The following CIB3 variants were observed in gnomAD, a reference collection of about 807,000 sequenced individuals.
CIB3 encodes the protein calcium and integrin binding family member 3, also known as calcium and integrin-binding family member 3.
Under a neutral mutation model 23.4 loss-of-function variants are expected in CIB3, and 22 were observed. The observed-to-expected ratio is 0.94, with a 90% CI of 0.67 to 1.34. The LOEUF is 1.34. Among genes scored for constraint, CIB3 ranks in the 40% most tolerant of loss-of-function variants. The pLI is 0.00. For missense variants in CIB3, 258 were observed against 247.3 expected, an observed-to-expected ratio of 1.04 and a Z score of -0.29; for synonymous variants, 93 against 95.8, an observed-to-expected ratio of 0.97 and a Z score of 0.17.
chr19:16,161,386 G>T lies in CIB3; in HGVS notation c.*79C>A. 6.9e-7 allele frequency: 1 copy of T among 1,445,996 alleles called. No homozygotes were observed. The highest frequency in any genetic ancestry group is 9.7e-7 in the Non-Finnish European group (1 of 1,026,928). 89.6% of individuals were successfully genotyped at this position (1,445,996 alleles called of 1,614,324 possible). ...CAGCAGGTGTGACTCAGTGACTTGT[G>T]TTTATTCTCAGAAACCAGAGTCCAC... On this transcript the variant is annotated 3_prime_UTR_variant, in exon 6 of 6. Transcript: ENST00000269878.
rs71178645 is a variant in CIB3 at position 16,165,292 on chromosome 19, CAA to C, written c.347-381_347-380del. ...TGGGCAGCAAGACAGAAACTCCGTC[CAA>C]AAAAAAAAAAAAAAAAAAGGAACTG... On this transcript the variant is annotated intron_variant, in intron 4 of 5. Coordinates refer to ENST00000269878, the MANE Select transcript of CIB3 (RefSeq NM_054113.4). Among the ~76,000 whole-genome samples, 231 of 79,950 alleles carry C rather than the reference CAA, an allele frequency of 2.9e-3. 1 individual carries two copies. Among genetic ancestry groups the C allele is most frequent in the African/African-American group, 0.012 (222 of 18,390 alleles). The allele number at this position is 79,950 out of a possible 152,430, so 52.5% of individuals were successfully genotyped here. A position where few individuals can be genotyped will look rare whatever the true frequency, so the allele number is the denominator to read the frequency against.
chr19:16,161,438 C>CTA lies in CIB3; in HGVS notation c.*25_*26dup. On this transcript the variant is annotated 3_prime_UTR_variant, in exon 6 of 6. Coordinates refer to ENST00000269878, the MANE Select transcript of CIB3 (RefSeq NM_054113.4). The stretch of plus-strand genomic sequence containing the variant: ...GCGGGTGAGGGGTCACCCCGCCCTC[C>CTA]TATAGCTCGGCTCCTCTGTGGTGCC... The CTA allele has an allele frequency of 6.2e-7, 1 of 1,613,862 alleles. No homozygotes were observed. Among genetic ancestry groups the CTA allele is most frequent in the Non-Finnish European group, 8.5e-7 (1 of 1,179,784 alleles).
intron 2 of CIB3, among the ~76,000 whole-genome samples, chr19:16,170,556 C>A (rs2091323520): frequency 6.6e-6 from 1 of 152,228 alleles, no homozygotes; most frequent in African/African-American, 2.4e-5. Flanking sequence ...TGCAGCGGCT[C>A]ATGCCTGTAA....
chr19:16,168,093 C>T (rs757952563), intron 4 of CIB3, 44 bp downstream of exon 4: 1 of 1,563,372 alleles, frequency 6.4e-7, no homozygotes, highest in Non-Finnish European at 8.7e-7. Flanking sequence ...TTCCCACTCC[C>T]CACCCCATCC....
At chr19:16,169,584 C>T in intron 3 of CIB3, 46 bp downstream of exon 3, 1 of 1,526,184 alleles carries the variant, frequency 6.6e-7, no homozygotes, top group Non-Finnish European at 9.0e-7. Context: ...CAACGAGAGA[C>T]ATCTCTACTA....
At chr19:16,168,476 C>T (rs544270752) in intron 3 of CIB3, among the ~76,000 whole-genome samples, 192 bp from the exon 4 acceptor site, 1 of 152,308 alleles carries the variant, frequency 6.6e-6, no homozygotes. Context: ...AGCAACCTTG[C>T]CCCAACTTCC....
chr19:16,170,008 A>G (rs1568338380), intron 2 of CIB3, among the ~76,000 whole-genome samples: 1 of 152,174 alleles, frequency 6.6e-6, no homozygotes, highest in Non-Finnish European at 1.5e-5. Context: ...CATGTTGGTC[A>G]GGCTGGTCTC....
intron 2 of CIB3, among the ~76,000 whole-genome samples, chr19:16,172,196 C>G (rs1225987332): frequency 1.3e-5 from 2 of 152,270 alleles, no homozygotes; most frequent in East Asian, 3.9e-4. Flanking sequence ...GCTCTGTCAC[C>G]CAGGCTGGAG....
Position 16,169,629 on chromosome 19 carries a change from C to G in CIB3, c.198+1G>C, listed in dbSNP as rs754738167. The G allele has an allele frequency of 2.5e-6, 4 of 1,612,444 alleles. No homozygotes were observed. The East Asian group carries it at 8.9e-5, about 36-fold the overall frequency. Reference sequence around the variant, plus strand: ...CTGTTTGTCCCATGGCCTGGGCATACCTTCAGCTCGGGCATGCTGCCAATG... The same window carrying G: ...CTGTTTGTCCCATGGCCTGGGCATAGCTTCAGCTCGGGCATGCTGCCAATG... On this transcript the variant is annotated splice_donor_variant, in intron 3 of 5. Coordinates refer to ENST00000269878, the MANE Select transcript of CIB3 (RefSeq NM_054113.4). LOFTEE classifies it high-confidence loss of function.
At chr19:16,173,079 C>T in intron 2 of CIB3, 83 bp downstream of exon 2, 1 of 1,533,844 alleles carries the variant, frequency 6.5e-7, no homozygotes, top group Non-Finnish European at 9.0e-7. Flanking sequence ...CACACACACA[C>T]ACACACCAAA....
intron 2 of CIB3, among the ~76,000 whole-genome samples, chr19:16,171,989 G>C (rs1568338969): frequency 6.6e-6 from 1 of 152,186 alleles, no homozygotes; most frequent in African/African-American, 2.4e-5. Flanking sequence ...TGATGATGTG[G>C]GATACTCATC....
At chr19:16,169,822 CAG>C in intron 2 of CIB3, 81 bp from the exon 3 acceptor site, 1 of 1,277,302 alleles carries the variant, frequency 7.8e-7, no homozygotes, top group South Asian at 1.5e-5. Context: ...TTTTTTGAGA[CAG>C]AGTCTCGGTC....
intron 4 of CIB3, among the ~76,000 whole-genome samples, chr19:16,167,728 A>C (rs2446368): frequency 0.087 from 13,314 of 152,208 alleles, 835 homozygotes; most frequent in African/African-American, 0.17. Flanking sequence ...GCTACTCGGA[A>C]GGCTGAGGCA....
In CIB3 at chr19:16,172,951, CA is replaced by C. The variant is rs369353499; in HGVS notation, c.86+210del. Among the ~76,000 whole-genome samples the C allele has an allele frequency of 1.6e-3, 171 of 106,272 alleles. 2 individuals are homozygous for C. Among genetic ancestry groups the C allele is most frequent in the African/African-American group, 5.9e-3 (152 of 25,808 alleles). The allele number at this position is 106,272 out of a possible 152,430, so 69.7% of individuals were successfully genotyped here. A position where few individuals can be genotyped will look rare whatever the true frequency, so the allele number is the denominator to read the frequency against. On this transcript the variant is annotated intron_variant, in intron 2 of 5. Coordinates refer to ENST00000269878, the MANE Select transcript of CIB3 (RefSeq NM_054113.4). The stretch of plus-strand genomic sequence containing the variant: ...CAGGCAATAGAGACAGACCCTGTCT[CA>C]AAAAAAAAGAAAAGAAGGAAGGAAG...
chr19:16,169,826 G>C (rs1041085549), intron 2 of CIB3, 85 bp from the exon 3 acceptor site: 2 of 1,122,912 alleles, frequency 1.8e-6, no homozygotes, highest in Admixed American at 2.9e-5. Flanking sequence ...TTGAGACAGA[G>C]TCTCGGTCTG....
In CIB3 at chr19:16,173,269, C is replaced by T. The variant is rs1426906079; in HGVS notation, c.52-73G>A. On this transcript the variant is annotated intron_variant, in intron 1 of 5. Transcript: ENST00000269878. ...CCTCCCACGGCCTCCTCCCTCCACCCCACACTCACACAGATGGCCTGATGC... is the reference window on the plus strand; with the variant it reads ...CCTCCCACGGCCTCCTCCCTCCACCTCACACTCACACAGATGGCCTGATGC... The T allele has an allele frequency of 6.2e-6, 10 of 1,607,758 alleles. No individual in the cohort carries two copies. In the East Asian group the frequency reaches 1.8e-4, roughly 29 times the overall value.
intron 4 of CIB3, among the ~76,000 whole-genome samples, chr19:16,167,200 G>A (rs1354011174): frequency 2.0e-5 from 3 of 151,476 alleles, no homozygotes; most frequent in Non-Finnish European, 4.4e-5. Context: ...CAGTCTGGGG[G>A]ACAGAGCAAG....
At chr19:16,163,081 A>G (rs1288945941) in intron 5 of CIB3, among the ~76,000 whole-genome samples, 1 of 151,442 alleles carries the variant, frequency 6.6e-6, no homozygotes, top group African/African-American at 2.4e-5. Context: ...AGTAGAGACT[A>G]CTGCCTCAGC....
intron 2 of CIB3, among the ~76,000 whole-genome samples, chr19:16,169,999 A>G (rs920217987): frequency 3.9e-5 from 6 of 152,124 alleles, no homozygotes; most frequent in African/African-American, 1.4e-4. Context: ...ACGGGGTTTC[A>G]TGTTGGTCAG....
Sources: gnomAD v4.1 joint callset for allele counts (sites outside exome capture counted in the v4.1 genomes callset) on GRCh38, gnomAD v4.1.1 for gene constraint, MANE v1.5 for transcripts, NCBI Gene and HGNC (gene_info 2026-07-23, HGNC 2026-07-21) for gene names.